Variants in ENOX1 observed in about 807,000 individuals in gnomAD.
ENOX1 encodes the protein ecto-NOX disulfide-thiol exchanger 1, also known as candidate growth-related and time keeping constitutive hydroquinone (NADH) oxidase.
A neutral mutation model predicts 82.5 loss-of-function variants in ENOX1; 42 were observed. That is an observed-to-expected ratio of 0.51 (90% CI 0.40 to 0.66). The LOEUF (loss-of-function observed/expected upper bound fraction) is 0.66. Ranked by LOEUF, ENOX1 falls within the 30% of genes least tolerant of loss-of-function variation. ENOX1 has a pLI of 0.00. For missense variants in ENOX1, 608 were observed against 811.6 expected (o/e 0.75, Z 3.05); for synonymous variants, 271 against 282.2 (o/e 0.96, Z 0.40).
At chr13:43,226,772 C>G (rs2042045089) in intron 15 of ENOX1, among the ~76,000 whole-genome samples, 1 of 152,182 alleles carries the variant, frequency 6.6e-6, no homozygotes. Context: ...TCCTCCTCCC[C>G]TGCAGGGTTC....
chr13:43,302,701 ATAT>A (rs1011924531), intron 11 of ENOX1, among the ~76,000 whole-genome samples: 2 of 152,198 alleles, frequency 1.3e-5, no homozygotes, highest in Non-Finnish European at 2.9e-5. Context: ...ATTATTCTTT[ATAT>A]TAATTATGGT....
intron 3 of ENOX1, among the ~76,000 whole-genome samples, chr13:43,455,988 T>C (rs1223595048): frequency 6.6e-6 from 1 of 152,214 alleles, no homozygotes; most frequent in Non-Finnish European, 1.5e-5. Context: ...ATCAGCAGTG[T>C]GAAAACGTTT....
chr13:43,450,040 C>T (rs910909923), intron 3 of ENOX1, among the ~76,000 whole-genome samples: 3 of 152,178 alleles, frequency 2.0e-5, no homozygotes, highest in Non-Finnish European at 2.9e-5. Context: ...TTTGTAATAG[C>T]AATTTCGGAA....
chr13:43,596,284 T>C (rs2081470198), intron 2 of ENOX1, among the ~76,000 whole-genome samples: 1 of 152,220 alleles, frequency 6.6e-6, no homozygotes, highest in Non-Finnish European at 1.5e-5. Flanking sequence ...GCTCAAATAG[T>C]TCAGTCTCTG....
intron 2 of ENOX1, among the ~76,000 whole-genome samples, chr13:43,659,547 T>G (rs1487375745): frequency 1.3e-5 from 2 of 152,142 alleles, no homozygotes; most frequent in African/African-American, 4.8e-5. Context: ...TTGCTTTTTT[T>G]GTTTGCATGC....
chr13:43,639,482 C>G (rs935840165), intron 2 of ENOX1, among the ~76,000 whole-genome samples: 1 of 152,058 alleles, frequency 6.6e-6, no homozygotes, highest in Non-Finnish European at 1.5e-5. Context: ...ATCACCAGTA[C>G]CTGATTCAAT....
chr13:43,775,013 A>G (rs1001653161), intron 1 of ENOX1, among the ~76,000 whole-genome samples: 1 of 151,696 alleles, frequency 6.6e-6, no homozygotes, highest in East Asian at 1.9e-4. Flanking sequence ...ATGCCCAGCT[A>G]ATTTTTGTAT....
At chr13:43,441,742 T>C (rs1374353481) in intron 3 of ENOX1, among the ~76,000 whole-genome samples, 1 of 152,102 alleles carries the variant, frequency 6.6e-6, no homozygotes, top group Non-Finnish European at 1.5e-5. Flanking sequence ...GCTCTGTATG[T>C]TGTGATCCCA....
intron 14 of ENOX1, among the ~76,000 whole-genome samples, chr13:43,243,445 G>A (rs1159149082): frequency 6.6e-6 from 1 of 152,042 alleles, no homozygotes; most frequent in Non-Finnish European, 1.5e-5. Context: ...TCTACTCTCG[G>A]TTCTACGTGT....
intron 5 of ENOX1, among the ~76,000 whole-genome samples, chr13:43,408,785 T>C (rs1186002586): frequency 1.3e-5 from 2 of 152,086 alleles, no homozygotes; most frequent in African/African-American, 2.4e-5. Context: ...GACAAAAATA[T>C]GCATAAGAAT....
chr13:43,601,531 C>A (rs1049176204), intron 2 of ENOX1, among the ~76,000 whole-genome samples: 8 of 151,806 alleles, frequency 5.3e-5, no homozygotes, highest in Admixed American at 3.9e-4. Flanking sequence ...TGAAGCATGC[C>A]TACAAGGTCT....
At chr13:43,732,649 A>G (rs1276579785) in intron 1 of ENOX1, among the ~76,000 whole-genome samples, 2 of 152,222 alleles carry the variant, frequency 1.3e-5, no homozygotes, top group African/African-American at 4.8e-5. Flanking sequence ...ACGTCAAAGA[A>G]TAGTAAGATA....
intron 2 of ENOX1, among the ~76,000 whole-genome samples, chr13:43,485,878 C>T (rs1484175999): frequency 6.6e-6 from 1 of 152,134 alleles, no homozygotes; most frequent in Admixed American, 6.5e-5. Context: ...AAGTTCAAGA[C>T]CAGCCTGGCC....
At chr13:43,779,076 A>C (rs1952090090) in intron 1 of ENOX1, among the ~76,000 whole-genome samples, 1 of 151,302 alleles carries the variant, frequency 6.6e-6, no homozygotes, top group South Asian at 2.1e-4. Flanking sequence ...TCCATTTCCC[A>C]CACATCTGCC....
At chr13:43,586,746 G>A (rs1394742411) in intron 2 of ENOX1, among the ~76,000 whole-genome samples, 4 of 152,120 alleles carry the variant, frequency 2.6e-5, no homozygotes, top group Non-Finnish European at 5.9e-5. Flanking sequence ...TCACACTCCT[G>A]TGTTTTCAGT....
chr13:43,699,638 G>A (rs1422429436), intron 1 of ENOX1, among the ~76,000 whole-genome samples: 1 of 152,162 alleles, frequency 6.6e-6, no homozygotes. Context: ...CAATAATGAA[G>A]AAAAATTAGT....
At chr13:43,317,513 A>G (rs997472578) in intron 11 of ENOX1, among the ~76,000 whole-genome samples, 2 of 151,988 alleles carry the variant, frequency 1.3e-5, no homozygotes, top group African/African-American at 2.4e-5. Context: ...AAAGAAATCA[A>G]TGGGATGGTC....
At chr13:43,272,557 A>G (rs1183936218) in intron 12 of ENOX1, among the ~76,000 whole-genome samples, 3 of 152,150 alleles carry the variant, frequency 2.0e-5, no homozygotes, top group African/African-American at 7.2e-5. Context: ...AAAATTTTGT[A>G]CTTCTTTGAT....
intron 3 of ENOX1, among the ~76,000 whole-genome samples, chr13:43,438,974 A>G (rs1458547234): frequency 6.6e-6 from 1 of 151,342 alleles, no homozygotes; most frequent in Admixed American, 6.6e-5. Flanking sequence ...CAGCTGGTTG[A>G]CTTTCTATGC....
Sources: gnomAD v4.1 joint callset for allele counts (sites outside exome capture counted in the v4.1 genomes callset) on GRCh38, gnomAD v4.1.1 for gene constraint, MANE v1.5 for transcripts, NCBI Gene and HGNC (gene_info 2026-07-23, HGNC 2026-07-21) for gene names.